The following UVRAG variants were observed in gnomAD, a reference collection of about 807,000 sequenced individuals.
UVRAG encodes the protein UV radiation resistance associated.
UVRAG carries 19 observed loss-of-function variants against 78.0 expected under a neutral mutation model. The ratio of observed to expected loss-of-function variants is 0.24; its 90% CI spans 0.17 to 0.36. UVRAG has a LOEUF of 0.36. Among genes scored for constraint, UVRAG ranks in the 10% least tolerant of loss-of-function variants. UVRAG has a pLI of 1.00. For missense variants in UVRAG, 740 were observed against 853.8 expected, an observed-to-expected ratio of 0.87 and a Z score of 1.66; for synonymous variants, 323 against 324.6, an observed-to-expected ratio of 1.00 and a Z score of 0.05.
At chr11:75,873,160 G>C (rs59326860) in intron 3 of UVRAG, among the ~76,000 whole-genome samples, 1 of 152,152 alleles carries the variant, frequency 6.6e-6, no homozygotes, top group African/African-American at 2.4e-5. Flanking sequence ...TATACCAGTA[G>C]TAAAAATGAG....
intron 14 of UVRAG, among the ~76,000 whole-genome samples, chr11:76,133,692 G>A (rs1172033753): frequency 6.6e-6 from 1 of 152,122 alleles, no homozygotes; most frequent in East Asian, 1.9e-4. Flanking sequence ...TGCAGAACAA[G>A]GATGCATCAG....
At chr11:75,854,355 A>T (rs1243497453) in intron 2 of UVRAG, among the ~76,000 whole-genome samples, 1 of 152,208 alleles carries the variant, frequency 6.6e-6, no homozygotes, top group African/African-American at 2.4e-5. Flanking sequence ...GAAATGGTCC[A>T]TATCAATTTC....
Position 76,141,080 on chromosome 11 carries a change from C to G in UVRAG, c.1767C>G (p.Leu589=). The change falls in exon 15 of 15, where the codon CTC becomes CTG. Residue 589 remains leucine (L), a synonymous_variant. Coordinates refer to ENST00000356136, the MANE Select transcript of UVRAG (RefSeq NM_003369.4). ...CTAGCCAAGAACAAGGAGAAGCCCT[C>G]TCCGGGCACCGGGCCACAGTCAATG... ...VHPSQEQGEA[L]SGHRATVNGT... 1 of 1,614,220 alleles carries G rather than the reference C, an allele frequency of 6.2e-7. No homozygotes were observed. The highest frequency in any genetic ancestry group is 1.1e-5 in the South Asian group (1 of 91,086).
intron 14 of UVRAG, among the ~76,000 whole-genome samples, chr11:76,128,036 C>T (rs1952444518): frequency 6.6e-6 from 1 of 152,144 alleles, no homozygotes; most frequent in South Asian, 2.1e-4. Context: ...GTACAAAAGC[C>T]ACTGAGATAG....
intron 6 of UVRAG, among the ~76,000 whole-genome samples, chr11:75,941,749 C>G (rs1192362462): frequency 6.6e-6 from 1 of 152,054 alleles, no homozygotes. Flanking sequence ...CAGATGAGTT[C>G]TCTGAAAAAC....
At chr11:76,097,886 AGTTTT>A (rs1426349411) in intron 13 of UVRAG, among the ~76,000 whole-genome samples, 1 of 152,158 alleles carries the variant, frequency 6.6e-6, no homozygotes, top group Non-Finnish European at 1.5e-5. Context: ...TACCGCCTAT[AGTTTT>A]ATATCCTCTA....
intron 3 of UVRAG, among the ~76,000 whole-genome samples, chr11:75,879,625 G>A (rs7104218): frequency 0.14 from 21,035 of 152,168 alleles, 3,246 homozygotes; most frequent in African/African-American, 0.38. Flanking sequence ...ATGAATTACC[G>A]TATGAAACCA....
intron 6 of UVRAG, among the ~76,000 whole-genome samples, chr11:75,943,313 T>C (rs1948523639): frequency 6.6e-6 from 1 of 151,308 alleles, no homozygotes; most frequent in South Asian, 2.1e-4. Context: ...GTTTTTTTTT[T>C]TTTTTAAATT....
At chr11:76,069,663 AATTCACATG>A (rs1951263774) in intron 13 of UVRAG, among the ~76,000 whole-genome samples, 1 of 152,226 alleles carries the variant, frequency 6.6e-6, no homozygotes, top group Non-Finnish European at 1.5e-5. Flanking sequence ...CATGCATATA[AATTCACATG>A]ATCCCTATCA....
intron 1 of UVRAG, among the ~76,000 whole-genome samples, chr11:75,850,369 G>A (rs1946128589): frequency 6.6e-6 from 1 of 152,138 alleles, no homozygotes; most frequent in Admixed American, 6.5e-5. Context: ...GAGCGGGATG[G>A]CATTGAGGTC....
chr11:75,943,024 GCACTC>G lies in UVRAG; in HGVS notation c.594-18417_594-18413del, dbSNP rs375307148. On this transcript the variant is annotated intron_variant, in intron 6 of 14. Transcript: ENST00000356136. ...TACAGTGAGCTATGATCATACCACT[GCACTC>G]CAATCTGGGTGACAGAGCGAGATCC... is the stretch of plus-strand genomic sequence containing the variant. Among the ~76,000 whole-genome samples the G allele has an allele frequency of 6.2e-4, 95 of 152,192 alleles. 1 individual carries two copies. The highest frequency in any genetic ancestry group is 2.2e-3 in the African/African-American group (93 of 41,520).
intron 14 of UVRAG, among the ~76,000 whole-genome samples, chr11:76,138,227 G>C (rs546330814): frequency 2.7e-4 from 41 of 152,340 alleles, no homozygotes; most frequent in African/African-American, 9.6e-4. Context: ...GTGTTCCCTT[G>C]TGGGACACAA....
chr11:75,976,814 AC>A (rs1949252574), intron 7 of UVRAG, among the ~76,000 whole-genome samples: 1 of 151,326 alleles, frequency 6.6e-6, no homozygotes, highest in South Asian at 2.1e-4. Context: ...TTTTCAAAAA[AC>A]CAGCTCCTGG....
intron 14 of UVRAG, among the ~76,000 whole-genome samples, chr11:76,118,423 C>A (rs919138286): frequency 6.6e-6 from 1 of 152,110 alleles, no homozygotes; most frequent in African/African-American, 2.4e-5. Flanking sequence ...AGAACAGGAG[C>A]AGTGATAGTG....
chr11:76,000,081 TACTC>T (rs1430022567), intron 8 of UVRAG, among the ~76,000 whole-genome samples: 4 of 151,866 alleles, frequency 2.6e-5, no homozygotes, highest in African/African-American at 9.7e-5. Flanking sequence ...TACTGAAAAA[TACTC>T]AATCCAATAG....
At chr11:76,020,084 C>T (rs543125413) in intron 12 of UVRAG, among the ~76,000 whole-genome samples, 31 of 152,248 alleles carry the variant, frequency 2.0e-4, no homozygotes, top group Non-Finnish European at 3.5e-4. Flanking sequence ...CCTTATTATA[C>T]GCAGAGGTTT....
intron 12 of UVRAG, among the ~76,000 whole-genome samples, chr11:76,046,159 G>C (rs1310111485): frequency 6.6e-6 from 1 of 152,180 alleles, no homozygotes; most frequent in Non-Finnish European, 1.5e-5. Flanking sequence ...CAAGCTATCA[G>C]TCAAATAAAA....
At chr11:76,113,147 A>C (rs963928319) in intron 13 of UVRAG, among the ~76,000 whole-genome samples, 1 of 152,238 alleles carries the variant, frequency 6.6e-6, no homozygotes, top group Admixed American at 6.5e-5. Context: ...AATACATTAC[A>C]TGGCTCAGCA....
At chr11:76,134,650 G>A (rs78910990) in intron 14 of UVRAG, among the ~76,000 whole-genome samples, 1,554 of 152,236 alleles carry the variant, frequency 0.01, 30 homozygotes, top group African/African-American at 0.035. Flanking sequence ...TGCGCCTTCT[G>A]TAAAATGAGA....
Sources: gnomAD v4.1 joint callset for allele counts (sites outside exome capture counted in the v4.1 genomes callset) on GRCh38, gnomAD v4.1.1 for gene constraint, MANE v1.5 for transcripts, NCBI Gene and HGNC (gene_info 2026-07-23, HGNC 2026-07-21) for gene names.